Variants in TRDN observed in about 807,000 individuals in gnomAD.
TRDN encodes triadin in skeletal muscle.
TRDN carries 161 observed loss-of-function variants against 149.7 expected under a neutral mutation model. That is an observed-to-expected ratio of 1.08 (90% CI 0.95 to 1.23). The LOEUF (loss-of-function observed/expected upper bound fraction) is 1.23, where lower values mean the gene tolerates loss of function less well. Among genes scored for constraint, TRDN ranks in the 50% most tolerant of loss-of-function variants. The probability of loss-of-function intolerance (pLI) is 0.00; values close to 1 mark genes in which losing one functional copy is unlikely to be tolerated. For synonymous variants in TRDN, 294 were observed against 250.5 expected (o/e 1.17, Z -1.64); for missense variants, 896 against 823.5 (o/e 1.09, Z -1.08).
chr6:123,431,707 T>G (rs1174233821), intron 12 of TRDN, among the ~76,000 whole-genome samples: 1 of 152,162 alleles, frequency 6.6e-6, no homozygotes, highest in African/African-American at 2.4e-5. Flanking sequence ...TTTGTCCAAT[T>G]ATAAATGTAC....
intron 1 of TRDN, among the ~76,000 whole-genome samples, chr6:123,595,301 G>T (rs1382863721): frequency 1.3e-5 from 2 of 152,042 alleles, no homozygotes; most frequent in African/African-American, 4.8e-5. Flanking sequence ...TGTTCCCTAT[G>T]AAACAGGATT....
chr6:123,247,299 A>T (rs1776217971), intron 38 of TRDN, among the ~76,000 whole-genome samples: 1 of 152,222 alleles, frequency 6.6e-6, no homozygotes, highest in Admixed American at 6.5e-5. Context: ...GGAAGAGAAG[A>T]AGTCAAATTG....
intron 24 of TRDN, among the ~76,000 whole-genome samples, chr6:123,290,910 A>G (rs1777988559): frequency 6.6e-6 from 1 of 152,174 alleles, no homozygotes; most frequent in South Asian, 2.1e-4. Context: ...TAATCTCAGC[A>G]CTTTGGTAGG....
chr6:123,377,229 G>A (rs1476331557), intron 18 of TRDN, among the ~76,000 whole-genome samples: 4 of 152,144 alleles, frequency 2.6e-5, no homozygotes, highest in African/African-American at 7.2e-5. Flanking sequence ...ATGTTATTAA[G>A]TAAGATTATG....
At chr6:123,523,217 G>A (rs1779775828) in intron 5 of TRDN, among the ~76,000 whole-genome samples, 2 of 152,060 alleles carry the variant, frequency 1.3e-5, no homozygotes, top group Admixed American at 6.6e-5. Context: ...ACACAGGAAG[G>A]GCTTGATGGC....
intron 12 of TRDN, among the ~76,000 whole-genome samples, chr6:123,399,709 A>G (rs1413972144): frequency 2.0e-5 from 3 of 152,188 alleles, no homozygotes; most frequent in Admixed American, 2.0e-4. Flanking sequence ...ACTTTCTAAA[A>G]TCAGTGATTA....
intron 4 of TRDN, among the ~76,000 whole-genome samples, chr6:123,547,121 A>T (rs1476529471): frequency 1.3e-5 from 2 of 152,046 alleles, no homozygotes; most frequent in Admixed American, 1.3e-4. Context: ...AATCCATACA[A>T]ATCTACTGAA....
intron 8 of TRDN, among the ~76,000 whole-genome samples, chr6:123,497,880 T>C (rs1045328637): frequency 2.0e-5 from 3 of 152,174 alleles, no homozygotes; most frequent in Admixed American, 2.0e-4. Context: ...GATCATCTTA[T>C]GATCTTGACT....
At position 123,285,573 on chromosome 6, in the gene TRDN, C is replaced by T. The variant is rs552168483; in HGVS notation, c.1511-6491G>A. Among the ~76,000 whole-genome samples the T allele has an allele frequency of 5.0e-4, 76 of 152,136 alleles. 1 individual carries two copies. The highest frequency in any genetic ancestry group is 1.8e-3 in the African/African-American group (75 of 41,514). Reference sequence around the variant, plus strand: ...AAGGGCTTAAAACTAAGACCTGAAACTATAACAATTCTAGAAGATAAAATC... The same window carrying T: ...AAGGGCTTAAAACTAAGACCTGAAATTATAACAATTCTAGAAGATAAAATC... On this transcript the variant is annotated intron_variant, in intron 24 of 40. Coordinates refer to ENST00000334268, the MANE Select transcript of TRDN (RefSeq NM_006073.4).
chr6:123,534,956 G>A (rs144733307), intron 4 of TRDN, among the ~76,000 whole-genome samples: 42 of 152,220 alleles, frequency 2.8e-4, no homozygotes, highest in African/African-American at 9.9e-4. Context: ...GCAATTAGGT[G>A]GATGTCCAAT....
At chr6:123,490,355 C>T (rs572962263) in intron 9 of TRDN, among the ~76,000 whole-genome samples, 33 of 152,206 alleles carry the variant, frequency 2.2e-4, no homozygotes, top group African/African-American at 7.5e-4. Context: ...GCTTAGAGAG[C>T]GTGGATACAT....
At chr6:123,237,966 G>T (rs1775850554) in intron 38 of TRDN, among the ~76,000 whole-genome samples, 1 of 152,060 alleles carries the variant, frequency 6.6e-6, no homozygotes, top group African/African-American at 2.4e-5. Flanking sequence ...CAGTAGAAAA[G>T]AAAACAATAG....
chr6:123,320,455 T>C (rs553131133), intron 23 of TRDN, among the ~76,000 whole-genome samples: 1 of 152,100 alleles, frequency 6.6e-6, no homozygotes, highest in African/African-American at 2.4e-5. Context: ...CAAATATTTG[T>C]TGAAAAAATG....
rs879224473 is a variant in TRDN at position 123,636,886 on chromosome 6, G to T, written c.-111C>A. ...GAGGGTTCTGTGTCAAAACCTGGGG[G>T]CTCTTCGTTTTCCTGGCTGTTTCTG... On this transcript the variant is annotated 5_prime_UTR_variant, in exon 1 of 41. Coordinates refer to ENST00000334268, the MANE Select transcript of TRDN (RefSeq NM_006073.4). The T allele has an allele frequency of 7.7e-7, 1 of 1,294,578 alleles. No homozygotes were observed. Among genetic ancestry groups the T allele is most frequent in the Non-Finnish European group, 1.1e-6 (1 of 902,118 alleles). 80.2% of individuals were successfully genotyped at this position (1,294,578 alleles called of 1,614,324 possible). A position where few individuals can be genotyped will look rare whatever the true frequency, so the allele number is the denominator to read the frequency against.
intron 24 of TRDN, among the ~76,000 whole-genome samples, chr6:123,280,804 T>C (rs997567572): frequency 2.6e-5 from 4 of 152,052 alleles, no homozygotes; most frequent in African/African-American, 9.7e-5. Flanking sequence ...TCATAATCTA[T>C]TGCAAGTATC....
intron 24 of TRDN, among the ~76,000 whole-genome samples, chr6:123,311,425 T>C (rs1778815095): frequency 6.6e-6 from 1 of 151,970 alleles, no homozygotes; most frequent in South Asian, 2.1e-4. Context: ...AGAAACATTT[T>C]TATGGAGTGG....
chr6:123,436,497 A>G lies in TRDN; in HGVS notation c.1051+1566T>C, dbSNP rs1033585878. On this transcript the variant is annotated intron_variant, in intron 12 of 40. Coordinates refer to ENST00000334268, the MANE Select transcript of TRDN (RefSeq NM_006073.4). ...ATTTTACATTTTTTCTACCCCATTT[A>G]TAGCATGATGCCAGATATTTCTACG... is the stretch of plus-strand genomic sequence containing the variant. 3.9e-5 allele frequency among the ~76,000 whole-genome samples: 6 copies of G among 152,176 alleles called. 1 individual carries two copies. The highest frequency in any genetic ancestry group is 3.9e-4 in the Admixed American group (6 of 15,276).
chr6:123,337,514 T>C (rs1779916834), intron 22 of TRDN, 105 bp downstream of exon 22: 3 of 421,336 alleles, frequency 7.1e-6, no homozygotes, highest in South Asian at 1.3e-4. Flanking sequence ...ACCTCTGCAG[T>C]TCTGGTTTAC....
intron 22 of TRDN, among the ~76,000 whole-genome samples, chr6:123,334,796 G>A (rs898731729): frequency 6.6e-6 from 1 of 151,886 alleles, no homozygotes; most frequent in Non-Finnish European, 1.5e-5. Context: ...TGCCCCCAGT[G>A]ACTCATGGTT....
Sources: gnomAD v4.1 joint callset for allele counts (sites outside exome capture counted in the v4.1 genomes callset) on GRCh38, gnomAD v4.1.1 for gene constraint, MANE v1.5 for transcripts, NCBI Gene and HGNC (gene_info 2026-07-23, HGNC 2026-07-21) for gene names.